Variants in MACROH2A2 observed in about 807,000 individuals in gnomAD.
The protein encoded by MACROH2A2 is core histone macro-H2A.2.
MACROH2A2 carries 6 observed loss-of-function variants against 37.6 expected under a neutral mutation model. The ratio of observed to expected loss-of-function variants is 0.16; its 90% confidence interval spans 0.09 to 0.32. MACROH2A2 has a LOEUF of 0.32. Ranked by LOEUF, MACROH2A2 falls within the 10% of genes least tolerant of loss-of-function variation. MACROH2A2 has a pLI of 1.00. For synonymous variants in MACROH2A2, 192 were observed against 202.7 expected (o/e 0.95, Z 0.45); for missense variants, 290 against 485.9 (o/e 0.60, Z 3.79).
At chr10:70,090,317 G>T in intron 3 of MACROH2A2, 151 bp downstream of exon 3, 1 of 606,912 alleles carries the variant, frequency 1.6e-6, no homozygotes, top group Non-Finnish European at 3.0e-6. Flanking sequence ...AATTCTGCTA[G>T]CTCTTATCAT....
rs1417624465 is a variant in MACROH2A2, at chr10:70,111,729, G to A, written c.*46G>A. 9 of 1,501,330 alleles carry A rather than the reference G, an allele frequency of 6.0e-6. No homozygotes were observed. In the African/African-American group the frequency reaches 8.4e-5, roughly 14 times the overall value. 93.0% of individuals were successfully genotyped at this position (1,501,330 alleles called of 1,614,324 possible). ...GATCGGAGGACGACCCGAGTCCCAA[G>A]AGTGGGGTTTTGCTTTTTAAAAGGA... On this transcript the variant is annotated 3_prime_UTR_variant, in exon 9 of 9. Coordinates refer to ENST00000373255, the MANE Select transcript of MACROH2A2 (RefSeq NM_018649.3).
At chr10:70,054,478 A>T (rs2072001776) in intron 1 of MACROH2A2, among the ~76,000 whole-genome samples, 1 of 152,196 alleles carries the variant, frequency 6.6e-6, no homozygotes, top group South Asian at 2.1e-4. Context: ...CCACCGCGGC[A>T]AATGGTTTCC....
rs2071993129 is a variant in MACROH2A2 at position 70,053,896 on chromosome 10, C to A, written c.-60+896C>A. 6.6e-6 allele frequency among the ~76,000 whole-genome samples: 1 copy of A among 152,180 alleles called. No individual in the cohort carries two copies. Among genetic ancestry groups the A allele is most frequent in the Non-Finnish European group, 1.5e-5 (1 of 68,014 alleles). ...GGCTGCGGCGCAGGAAAGGGCTCTG[C>A]CGGGCGCCGGACGCCGTGCGTATCG... On this transcript the variant is annotated intron_variant, in intron 1 of 8. Coordinates refer to ENST00000373255, the MANE Select transcript of MACROH2A2 (RefSeq NM_018649.3). This position sits in a 1 kb window ranked among gnomAD's most constrained non-coding sequence, Gnocchi z 4.8.
intron 2 of MACROH2A2, among the ~76,000 whole-genome samples, chr10:70,078,201 A>G (rs2072152389): frequency 6.6e-6 from 1 of 152,218 alleles, no homozygotes; most frequent in Non-Finnish European, 1.5e-5. Flanking sequence ...TTCAAAGAGC[A>G]TTTGTTGAGC....
chr10:70,078,463 C>G (rs1378692173), intron 2 of MACROH2A2, among the ~76,000 whole-genome samples: 1 of 152,232 alleles, frequency 6.6e-6, no homozygotes, highest in African/African-American at 2.4e-5. Context: ...TGCCCTTTCT[C>G]TCCCCCAAAG....
rs571416539 is a variant in MACROH2A2, at chr10:70,091,673, C to CAAAAA, written c.280-70_280-66dup. On this transcript the variant is annotated intron_variant, in intron 3 of 8. Coordinates refer to ENST00000373255, the MANE Select transcript of MACROH2A2 (RefSeq NM_018649.3). ...TGGGTGACAGAGTAAGATTCTGTATCAAAAAAAAAAAAAAAAAAGAACTGT... is the reference window on the plus strand; with the variant it reads ...TGGGTGACAGAGTAAGATTCTGTATCAAAAAAAAAAAAAAAAAAAAAAAGAACTGT... 8.9e-4 allele frequency: 621 copies of CAAAAA among 694,558 alleles called. 1 individual carries two copies. The highest frequency in any genetic ancestry group is 1.4e-3 in the Middle Eastern group (4 of 2,876). 43.0% of individuals were successfully genotyped at this position (694,558 alleles called of 1,614,324 possible). A position where few individuals can be genotyped will look rare whatever the true frequency, so the allele number is the denominator to read the frequency against.
chr10:70,093,682 C>T (rs756016089), intron 4 of MACROH2A2, 53 bp from the exon 5 acceptor site: 7 of 975,878 alleles, frequency 7.2e-6, no homozygotes, highest in Non-Finnish European at 1.2e-5. Context: ...ATAAAGGCAC[C>T]TCAGGCTTTT....
rs2072133340 is a variant in MACROH2A2, at chr10:70,075,274, T to C, written c.-59-326T>C. ...CATATAAGATAACAGTCACAGGTTC[T>C]GGGGATGAGGAAATTGACATCTTTG... On this transcript the variant is annotated intron_variant, in intron 1 of 8. Transcript: ENST00000373255. The surrounding 1 kb of genome is among the most constrained non-coding windows in gnomAD (Gnocchi z 5.0). Among the ~76,000 whole-genome samples the C allele has an allele frequency of 6.6e-6, 1 of 152,236 alleles. No individual in the cohort carries two copies. Among genetic ancestry groups the C allele is most frequent in the Non-Finnish European group, 1.5e-5 (1 of 68,036 alleles).
chr10:70,055,288 A>G (rs948050645), intron 1 of MACROH2A2, among the ~76,000 whole-genome samples: 1 of 152,260 alleles, frequency 6.6e-6, no homozygotes, highest in African/African-American at 2.4e-5. Context: ...AACCTTAAGA[A>G]ATAACCTCCA....
At chr10:70,103,870 T>G (rs184549694) in intron 7 of MACROH2A2, among the ~76,000 whole-genome samples, 1 of 152,242 alleles carries the variant, frequency 6.6e-6, no homozygotes, top group Admixed American at 6.5e-5. Context: ...AATTCCACAT[T>G]TTGCTACGTT....
At position 70,107,992 on chromosome 10, in the gene MACROH2A2, G is replaced by A. The variant is rs938974091; in HGVS notation, c.779-1041G>A. ...CCAGCACTTTGGGTGCCTGAGGCAA[G>A]AGGATCACTTGAGCCCTGGAGTTCA... On this transcript the variant is annotated intron_variant, in intron 7 of 8. Coordinates refer to ENST00000373255, the MANE Select transcript of MACROH2A2 (RefSeq NM_018649.3). This position sits in a 1 kb window ranked among gnomAD's most constrained non-coding sequence, Gnocchi z 4.4. Among the ~76,000 whole-genome samples the A allele has an allele frequency of 5.3e-5, 8 of 152,136 alleles. No homozygotes were observed. The highest frequency in any genetic ancestry group is 1.7e-4 in the African/African-American group (7 of 41,434).
intron 7 of MACROH2A2, among the ~76,000 whole-genome samples, chr10:70,103,849 T>C (rs570617717): frequency 1.3e-5 from 2 of 150,014 alleles, no homozygotes; most frequent in South Asian, 2.1e-4. Context: ...AAAAAAAAAC[T>C]GTCAACCAAG....
chr10:70,111,012 T>C (rs2072369249), intron 8 of MACROH2A2, among the ~76,000 whole-genome samples: 1 of 152,046 alleles, frequency 6.6e-6, no homozygotes, highest in South Asian at 2.1e-4. Context: ...CTCACACCTG[T>C]AATCCCAGCA....
At chr10:70,056,523 A>G (rs1233145836) in intron 1 of MACROH2A2, among the ~76,000 whole-genome samples, 1 of 152,254 alleles carries the variant, frequency 6.6e-6, no homozygotes, top group Non-Finnish European at 1.5e-5. Context: ...TTGATAATAC[A>G]TAATGATAAT....
At chr10:70,096,429 G>A (rs1193223457) in intron 6 of MACROH2A2, among the ~76,000 whole-genome samples, 1 of 152,150 alleles carries the variant, frequency 6.6e-6, no homozygotes, top group Non-Finnish European at 1.5e-5. Flanking sequence ...TAAATATTGA[G>A]AGTGCTATTG....
chr10:70,098,909 G>C (rs772117637), intron 6 of MACROH2A2: 4 of 152,186 alleles, frequency 2.6e-5, no homozygotes, highest in Non-Finnish European at 5.9e-5. Flanking sequence ...CCTCTCTCCA[G>C]GATGCTTTTT....
intron 6 of MACROH2A2, among the ~76,000 whole-genome samples, chr10:70,098,057 A>G (rs955659650): frequency 6.6e-6 from 1 of 152,116 alleles, no homozygotes; most frequent in Admixed American, 6.6e-5. Context: ...ACCTGGGCAC[A>G]TGGCAAAACC....
chr10:70,109,178 C>T lies in MACROH2A2; in HGVS notation c.924C>T (p.Ser308=), dbSNP rs114660578. 1.4e-5 allele frequency: 23 copies of T among 1,613,976 alleles called. No individual in the cohort carries two copies. In the Admixed American group the frequency reaches 3.0e-4, roughly 21 times the overall value. Residue 308 remains serine (S), a synonymous_variant, in exon 8 of 9, where the codon TCC becomes TCT. Coordinates refer to ENST00000373255, the MANE Select transcript of MACROH2A2 (RefSeq NM_018649.3). ...LSAAEDKKLK[S]VAFPPFPSGR... is the part of the protein sequence containing the mutation. ...CGGCGGAGGACAAGAAGCTAAAGTC[C>T]GTCGCGTTCCCGCCTTTCCCCAGCG... is the stretch of plus-strand genomic sequence containing the variant.
chr10:70,076,477 ACTTTCT>A (rs1389502996), intron 2 of MACROH2A2, among the ~76,000 whole-genome samples: 1 of 152,144 alleles, frequency 6.6e-6, no homozygotes, highest in African/African-American at 2.4e-5. Context: ...TATCTTAGTA[ACTTTCT>A]CTTTAGCTTT....
Sources: allele counts gnomAD v4.1 joint callset (sites outside exome capture counted in the v4.1 genomes callset), GRCh38; gene constraint gnomAD v4.1.1; non-coding constraint Gnocchi (gnomAD v3.1); transcripts MANE v1.5; gene names NCBI Gene and HGNC (gene_info 2026-07-23, HGNC 2026-07-21).